Variants in SUGT1 observed in about 807,000 individuals in gnomAD.
SUGT1 encodes the protein protein SGT1 homolog.
In SUGT1, 15 loss-of-function variants were observed where a neutral mutation model predicts 56.1. That is an observed-to-expected ratio of 0.27 (90% CI 0.18 to 0.41). The LOEUF (loss-of-function observed/expected upper bound fraction) is 0.41, where lower values mean the gene tolerates loss of function less well. Ranked by LOEUF, SUGT1 falls within the 10% of genes least tolerant of loss-of-function variation. SUGT1 has a pLI of 1.00. For missense variants in SUGT1, 347 were observed against 382.2 expected (o/e 0.91, Z 0.77); for synonymous variants, 123 against 128.6 (o/e 0.96, Z 0.30).
intron 2 of SUGT1, among the ~76,000 whole-genome samples, chr13:52,656,453 A>G (rs904046742): frequency 3.9e-5 from 6 of 152,140 alleles, no homozygotes; most frequent in African/African-American, 1.2e-4. Context: ...TTGATAATGT[A>G]TTTACCATAC....
At chr13:52,662,540 C>CGAGTTAA in intron 5 of SUGT1, 109 bp from the exon 6 acceptor site, 1 of 1,041,472 alleles carries the variant, frequency 9.6e-7, no homozygotes, top group Admixed American at 2.1e-5. Context: ...TCGCTGCCGA[C>CGAGTTAA]TCCCCAGTGC....
At chr13:52,658,883 GATAAGT>G (rs1333391242) in intron 4 of SUGT1, among the ~76,000 whole-genome samples, 1 of 151,282 alleles carries the variant, frequency 6.6e-6, no homozygotes, top group African/African-American at 2.4e-5. Flanking sequence ...TGTTTCTGTT[GATAAGT>G]ATAACTATTC....
chr13:52,685,052 A>G (rs1963523055), intron 12 of SUGT1, among the ~76,000 whole-genome samples: 1 of 131,888 alleles, frequency 7.6e-6, no homozygotes, highest in Admixed American at 8.7e-5. Context: ...GTCTATCTTC[A>G]CTTTACCTTT....
At chr13:52,669,086 T>G (rs1962830515) in intron 10 of SUGT1, among the ~76,000 whole-genome samples, 1 of 152,232 alleles carries the variant, frequency 6.6e-6, no homozygotes, top group African/African-American at 2.4e-5. Context: ...TACTATGTTC[T>G]CAGTTTGCCT....
chr13:52,681,852 AGAG>A (rs2138168233), intron 12 of SUGT1, among the ~76,000 whole-genome samples: 1 of 70,706 alleles, frequency 1.4e-5, no homozygotes, highest in East Asian at 5.4e-4. Context: ...AAAAAAAAAG[AGAG>A]AGAGAGAGAT....
intron 11 of SUGT1, among the ~76,000 whole-genome samples, chr13:52,679,245 T>C (rs1257043525): frequency 6.6e-6 from 1 of 152,200 alleles, no homozygotes; most frequent in African/African-American, 2.4e-5. Context: ...GGAGCAATCT[T>C]GGCAGTACCC....
At position 52,690,172 on chromosome 13, in the gene SUGT1, C is replaced by T. The variant is rs1466205432; in HGVS notation, c.*2337C>T. 2 of 152,084 alleles carry T rather than the reference C, an allele frequency of 1.3e-5. No homozygotes were observed. The highest frequency in any genetic ancestry group is 4.8e-5 in the African/African-American group (2 of 41,408). The allele number at this position is 152,084 out of a possible 1,614,324, so 9.4% of individuals were successfully genotyped here. On this transcript the variant is annotated 3_prime_UTR_variant, in exon 13 of 13. Coordinates refer to ENST00000310528, the MANE Select transcript of SUGT1 (RefSeq NM_006704.5). ...CAAATACATTAGATTCATTATAGGT[C>T]AAGGGAATTTTGAAAAGTAGGCTAG...
intron 10 of SUGT1, among the ~76,000 whole-genome samples, chr13:52,674,689 A>G (rs1963074854): frequency 6.6e-6 from 1 of 152,148 alleles, no homozygotes; most frequent in African/African-American, 2.4e-5. Context: ...CCCATTTACA[A>G]AAGTAGTGAT....
chr13:52,660,381 A>G (rs550745495), intron 5 of SUGT1, among the ~76,000 whole-genome samples: 3 of 152,320 alleles, frequency 2.0e-5, no homozygotes, highest in East Asian at 3.9e-4. Flanking sequence ...TCTAATGAGT[A>G]TAAACCAGGG....
At chr13:52,686,842 G>C (rs1963607567) in intron 12 of SUGT1, among the ~76,000 whole-genome samples, 1 of 152,046 alleles carries the variant, frequency 6.6e-6, no homozygotes, top group African/African-American at 2.4e-5. Context: ...AGGCCAAGGT[G>C]GGCGGATCAC....
In SUGT1 at chr13:52,687,921, G is replaced by T; in HGVS notation, c.*86G>T. ...ATTGCATTCTTGAATTTTGAACACT[G>T]AATATCTTTTTGAAAGATTATACTT... On this transcript the variant is annotated 3_prime_UTR_variant, in exon 13 of 13. Transcript: ENST00000310528. 1.3e-6 allele frequency: 1 copy of T among 779,272 alleles called. No homozygotes were observed. The highest frequency in any genetic ancestry group is 3.1e-5 in the East Asian group (1 of 32,352). The allele number at this position is 779,272 out of a possible 1,614,324, so 48.3% of individuals were successfully genotyped here.
At position 52,696,922 on chromosome 13, in the gene SUGT1, T is replaced by C. The variant is rs1285730235; in HGVS notation, c.*9087T>C. On this transcript the variant is annotated 3_prime_UTR_variant, in exon 13 of 13. Coordinates refer to ENST00000310528, the MANE Select transcript of SUGT1 (RefSeq NM_006704.5). ...AGTGTGATATCCAAGTACTTTTTTT[T>C]TTTTTTTTTTTTGCTATTTAATTTT... is the stretch of plus-strand genomic sequence containing the variant. 6.6e-6 allele frequency: 1 copy of C among 151,262 alleles called. No individual in the cohort carries two copies. Among genetic ancestry groups the C allele is most frequent in the Non-Finnish European group, 1.5e-5 (1 of 67,806 alleles). 9.4% of individuals were successfully genotyped at this position (151,262 alleles called of 1,614,324 possible). A position where few individuals can be genotyped will look rare whatever the true frequency, so the allele number is the denominator to read the frequency against.
Position 52,652,864 on chromosome 13 carries a change from T to G in SUGT1, c.-57T>G. ...CAGAAGTTTCCCCCTTGGGCGGTGG[T>G]GGAGGTGGTAACCGTGATAGTAGCA... On this transcript the variant is annotated 5_prime_UTR_variant, in exon 1 of 13. Transcript: ENST00000310528. The G allele has an allele frequency of 6.3e-7, 1 of 1,591,868 alleles. No homozygotes were observed.
At chr13:52,659,865 G>C (rs1962358576) in intron 5 of SUGT1, among the ~76,000 whole-genome samples, 1 of 120,552 alleles carries the variant, frequency 8.3e-6, no homozygotes, top group Non-Finnish European at 1.6e-5. Flanking sequence ...GTCTCACTCT[G>C]TCGCCCAGGC....
At position 52,697,003 on chromosome 13, in the gene SUGT1, A is replaced by AT. The variant is rs1218047469; in HGVS notation, c.*9173dup. ...TTTATTTTATTTATTTTATTTATTT[A>AT]TTTTTATTTTTTATTTTTTTAGATA... On this transcript the variant is annotated 3_prime_UTR_variant, in exon 13 of 13. Transcript: ENST00000310528. 12 of 92,494 alleles carry AT rather than the reference A, an allele frequency of 1.3e-4. No homozygotes were observed. Among genetic ancestry groups the AT allele is most frequent in the African/African-American group, 5.1e-4 (12 of 23,608 alleles). 5.7% of individuals were successfully genotyped at this position (92,494 alleles called of 1,614,324 possible).
At position 52,665,615 on chromosome 13, in the gene SUGT1, GTTTC is replaced by G. The variant is rs1962664320; in HGVS notation, c.423-18_423-15del. On this transcript the variant is annotated intron_variant, in intron 8 of 12. Coordinates refer to ENST00000310528, the MANE Select transcript of SUGT1 (RefSeq NM_006704.5). Reference sequence around the variant, plus strand: ...TAAAAAAATTAGAAGAGTTACCTAAGTTTCTTTTTTTTTTTTAATAGGTATGACT... The same window carrying G: ...TAAAAAAATTAGAAGAGTTACCTAAGTTTTTTTTTTTTAATAGGTATGACT... 9 of 1,456,982 alleles carry G rather than the reference GTTTC, an allele frequency of 6.2e-6. No individual in the cohort carries two copies. The highest frequency in any genetic ancestry group is 4.5e-5 in the African/African-American group (3 of 66,474). 90.3% of individuals were successfully genotyped at this position (1,456,982 alleles called of 1,614,324 possible).
rs985660902 is a variant in SUGT1 at position 52,694,538 on chromosome 13, C to G, written c.*6703C>G. On this transcript the variant is annotated 3_prime_UTR_variant, in exon 13 of 13. Transcript: ENST00000310528. ...GAATGTTAAGGAACTTTCGGAAGTT[C>G]TCTGGTTTTCATTTCAATTTCAAAG... 2.6e-5 allele frequency: 4 copies of G among 152,184 alleles called. No homozygotes were observed. Among genetic ancestry groups the G allele is most frequent in the African/African-American group, 9.7e-5 (4 of 41,448 alleles). 9.4% of individuals were successfully genotyped at this position (152,184 alleles called of 1,614,324 possible).
intron 2 of SUGT1, among the ~76,000 whole-genome samples, chr13:52,655,977 A>G (rs1482664556): frequency 6.6e-6 from 1 of 152,208 alleles, no homozygotes; most frequent in African/African-American, 2.4e-5. Context: ...CAAGGAGAAC[A>G]TTAGTTTTTA....
chr13:52,664,284 T>G (rs544060121), intron 8 of SUGT1, among the ~76,000 whole-genome samples: 3 of 152,350 alleles, frequency 2.0e-5, no homozygotes, highest in South Asian at 4.1e-4. Context: ...GTTGCTTCAC[T>G]TGGTTTCATA....
Sources: allele counts gnomAD v4.1 joint callset (sites outside exome capture counted in the v4.1 genomes callset), GRCh38; gene constraint gnomAD v4.1.1; transcripts MANE v1.5; gene names NCBI Gene and HGNC (gene_info 2026-07-23, HGNC 2026-07-21).